NAP1L1: variants seen among roughly 807,000 people sequenced by gnomAD.
NAP1L1 encodes the protein nucleosome assembly protein 1 like 1, also known as nucleosome assembly protein 1-like 1.
Under a neutral mutation model 58.9 loss-of-function variants are expected in NAP1L1, and 9 were observed. That is an observed-to-expected ratio of 0.15 (90% confidence interval 0.09 to 0.27). The LOEUF (loss-of-function observed/expected upper bound fraction) is 0.27, where lower values mean the gene tolerates loss of function less well. Ranked by LOEUF, NAP1L1 falls within the 10% of genes least tolerant of loss-of-function variation. The pLI, the probability that NAP1L1 is intolerant of heterozygous loss-of-function variation, is 1.00. For missense variants in NAP1L1, 302 were observed against 458.8 expected, an observed-to-expected ratio of 0.66 and a Z score of 3.12; for synonymous variants, 130 against 138.3, an observed-to-expected ratio of 0.94 and a Z score of 0.42.
intron 6 of NAP1L1, chr12:76,056,894 T>G (rs1949128098): frequency 3.5e-6 from 1 of 285,464 alleles, no homozygotes; most frequent in Admixed American, 4.5e-5. Flanking sequence ...ACGCCTGTTA[T>G]CCAGTTACTG....
chr12:76,064,446 G>C (rs1167294361), intron 4 of NAP1L1, among the ~76,000 whole-genome samples: 1 of 151,966 alleles, frequency 6.6e-6, no homozygotes, highest in African/African-American at 2.4e-5. Context: ...ACAAAAGTAA[G>C]AGTATTAAGG....
Position 76,059,788 on chromosome 12 carries a change from T to C in NAP1L1, c.429+10A>G, listed in dbSNP as rs1181426429. ...TCTTAAAAACATACCAAAATAAAGT[T>C]GGTACTAACCGAAATCTCATCTTCT... is the stretch of plus-strand genomic sequence containing the variant. On this transcript the variant is annotated intron_variant, in intron 6 of 14. Transcript: ENST00000618691. The C allele has an allele frequency of 1.3e-6, 2 of 1,573,122 alleles. No individual in the cohort carries two copies. Among genetic ancestry groups the C allele is most frequent in the African/African-American group, 1.4e-5 (1 of 73,394 alleles).
chr12:76,077,849 T>A (rs1291154791), intron 1 of NAP1L1, among the ~76,000 whole-genome samples: 2 of 151,454 alleles, frequency 1.3e-5, no homozygotes, highest in African/African-American at 4.9e-5. Flanking sequence ...CCGGGCGTGG[T>A]TGCACACACC....
Position 76,056,034 on chromosome 12 carries a change from T to A in NAP1L1, c.557A>T (p.Gln186Leu). Residue 186 changes from glutamine (Q) to leucine (L), a missense_variant and splice_region_variant, in exon 7 of 15, where the codon CAG (glutamine) becomes CTG (leucine). Gln to Leu is a moderately radical substitution (Grantham distance 113). Coordinates refer to ENST00000618691, the MANE Select transcript of NAP1L1 (RefSeq NM_004537.7). ...KNVDLLSDMV[Q>L]EHDEPILKHL... ...TGGTACATTTATGAATAAAATTACCTGAACCATATCACTGAGCAAGTCAAC... is the reference window on the plus strand; with the variant it reads ...TGGTACATTTATGAATAAAATTACCAGAACCATATCACTGAGCAAGTCAAC... 1 of 1,610,864 alleles carries A rather than the reference T, an allele frequency of 6.2e-7. No individual in the cohort carries two copies. The highest frequency in any genetic ancestry group is 8.5e-7 in the Non-Finnish European group (1 of 1,179,488).
intron 3 of NAP1L1, among the ~76,000 whole-genome samples, chr12:76,067,978 ACAGT>A: frequency 6.6e-6 from 1 of 152,190 alleles, no homozygotes. Context: ...AATAGTTGGG[ACAGT>A]CAAAGACTGT....
intron 1 of NAP1L1, among the ~76,000 whole-genome samples, chr12:76,079,506 GAC>G (rs1255202147): frequency 6.6e-6 from 1 of 152,058 alleles, no homozygotes; most frequent in African/African-American, 2.4e-5. Context: ...TAATGTAAAA[GAC>G]AGTTTCAGAA....
chr12:76,057,662 A>G, intron 6 of NAP1L1: 3 of 1,440,838 alleles, frequency 2.1e-6, no homozygotes, highest in Non-Finnish European at 2.9e-6. Context: ...TTACCAATAG[A>G]GTACTGTGAA....
Position 76,048,666 on chromosome 12 carries a change from C to T in NAP1L1, c.1141-202G>A, listed in dbSNP as rs554586598. ...CTCAAACTTTACACTGTAGAATTAA[C>T]TCCATAAAATGTGACACACGCTAAA... is the stretch of plus-strand genomic sequence containing the variant. On this transcript the variant is annotated intron_variant, in intron 14 of 14. Transcript: ENST00000618691. Among the ~76,000 whole-genome samples the T allele has an allele frequency of 8.3e-4, 126 of 152,168 alleles. 1 individual carries two copies. Among genetic ancestry groups the T allele is most frequent in the African/African-American group, 2.7e-3 (113 of 41,536 alleles).
rs1950039966 is a variant in NAP1L1 at position 76,073,231 on chromosome 12, G to C, written c.17+972C>G. 2.6e-5 allele frequency among the ~76,000 whole-genome samples: 4 copies of C among 152,006 alleles called. 1 individual carries two copies. In the South Asian group the frequency reaches 6.2e-4, roughly 24 times the overall value. On this transcript the variant is annotated intron_variant, in intron 2 of 14. Transcript: ENST00000618691. ...ATTTGTACTTCTATGTGTTGATCTT[G>C]TACTGAAGTTTCCAGCCCTCCCACT...
chr12:76,067,617 C>A (rs1480686191), intron 3 of NAP1L1, 144 bp from the exon 4 acceptor site: 1 of 567,044 alleles, frequency 1.8e-6, no homozygotes, highest in Non-Finnish European at 3.1e-6. Flanking sequence ...GCAGGGAAAG[C>A]TAAAGAGAAT....
rs928435699 is a variant in NAP1L1 at position 76,040,580 on chromosome 12, A to C, written c.*7849T>G. ...GCTCAGGTTGGAGTGCAGTGGCACTATCTCGGCTCACTGCAACCTCCACCT... is the reference window on the plus strand; with the variant it reads ...GCTCAGGTTGGAGTGCAGTGGCACTCTCTCGGCTCACTGCAACCTCCACCT... On this transcript the variant is annotated 3_prime_UTR_variant, in exon 15 of 15. Coordinates refer to ENST00000618691, the MANE Select transcript of NAP1L1 (RefSeq NM_004537.7). 6.6e-6 allele frequency: 1 copy of C among 152,298 alleles called. No individual in the cohort carries two copies. The highest frequency in any genetic ancestry group is 2.4e-5 in the African/African-American group (1 of 41,426). 9.4% of individuals were successfully genotyped at this position (152,298 alleles called of 1,614,324 possible).
chr12:76,080,119 C>A (rs1300389244), intron 1 of NAP1L1, among the ~76,000 whole-genome samples: 2 of 152,224 alleles, frequency 1.3e-5, no homozygotes, highest in Non-Finnish European at 2.9e-5. Context: ...CAACTGCAGT[C>A]ACATAACGTT....
intron 3 of NAP1L1, 41 bp downstream of exon 3, chr12:76,068,868 T>C (rs1225875470): frequency 2.1e-6 from 3 of 1,414,200 alleles, no homozygotes; most frequent in Non-Finnish European, 3.0e-6. Flanking sequence ...AGTAGACATG[T>C]GCCAGCAATC....
chr12:76,071,364 T>C (rs775890629), intron 2 of NAP1L1, among the ~76,000 whole-genome samples: 33 of 152,332 alleles, frequency 2.2e-4, no homozygotes, highest in Admixed American at 9.8e-4. Context: ...CAATTTACTC[T>C]TTTTAAAGTT....
chr12:76,044,906 G>A lies in NAP1L1; in HGVS notation c.*3523C>T, dbSNP rs1485482473. The A allele has an allele frequency of 2.0e-5, 3 of 151,916 alleles. No homozygotes were observed. Among genetic ancestry groups the A allele is most frequent in the Non-Finnish European group, 2.9e-5 (2 of 67,956 alleles). 9.4% of individuals were successfully genotyped at this position (151,916 alleles called of 1,614,324 possible). A position where few individuals can be genotyped will look rare whatever the true frequency, so the allele number is the denominator to read the frequency against. On this transcript the variant is annotated 3_prime_UTR_variant, in exon 15 of 15. Transcript: ENST00000618691. ...TCCAAGAACTTGGCTTTTTATCCAG[G>A]TTATATTTTAATATCTGGAGTTTTA...
At chr12:76,052,013 C>CA (rs1006208797) in intron 11 of NAP1L1, among the ~76,000 whole-genome samples, 30 of 146,160 alleles carry the variant, frequency 2.1e-4, no homozygotes, top group East Asian at 6.0e-4. Flanking sequence ...TACTTCATCT[C>CA]AAAAAAAAAA....
chr12:76,048,913 C>T (rs896817010), intron 14 of NAP1L1: 5 of 467,018 alleles, frequency 1.1e-5, no homozygotes, highest in Admixed American at 7.6e-5. Flanking sequence ...TTTTCTAATG[C>T]TTAAAAACTG....
At chr12:76,077,972 C>A (rs1167872304) in intron 1 of NAP1L1, among the ~76,000 whole-genome samples, 1 of 129,096 alleles carries the variant, frequency 7.7e-6, no homozygotes, top group Non-Finnish European at 1.6e-5. Flanking sequence ...AAGAGCAAGA[C>A]CCTGTCTCAA....
At chr12:76,076,851 T>C (rs1357016483) in intron 1 of NAP1L1, among the ~76,000 whole-genome samples, 1 of 152,126 alleles carries the variant, frequency 6.6e-6, no homozygotes, top group Non-Finnish European at 1.5e-5. Context: ...GGCTATGATA[T>C]AGACTATTGC....
Sources: gnomAD v4.1 joint callset for allele counts (sites outside exome capture counted in the v4.1 genomes callset) on GRCh38, gnomAD v4.1.1 for gene constraint, MANE v1.5 for transcripts, NCBI Gene and HGNC (gene_info 2026-07-23, HGNC 2026-07-21) for gene names.